The following SYNE2 variants were observed in gnomAD, a reference collection of about 807,000 sequenced individuals.
SYNE2 encodes spectrin repeat containing nuclear envelope protein 2, also known as nesprin-2.
SYNE2 carries 431 observed loss-of-function variants against 856.3 expected under a neutral mutation model. That is an observed-to-expected ratio of 0.50 (90% CI 0.47 to 0.55). The LOEUF (loss-of-function observed/expected upper bound fraction) is 0.55, where lower values mean the gene tolerates loss of function less well. Among genes scored for constraint, SYNE2 ranks in the 20% least tolerant of loss-of-function variants. The pLI is 0.00. For synonymous variants in SYNE2, 2,923 were observed against 2,872.3 expected, an observed-to-expected ratio of 1.02 and a Z score of -0.56; for missense variants, 8,129 against 8,023.2, an observed-to-expected ratio of 1.01 and a Z score of -0.50.
chr14:64,163,638 A>G (rs2098346367), intron 89 of SYNE2, 57 bp downstream of exon 89: 5 of 1,595,496 alleles, frequency 3.1e-6, no homozygotes, highest in African/African-American at 1.3e-5. Context: ...TCCATCCTCA[A>G]TCCCTTGTAT....
Position 64,089,640 on chromosome 14 carries a change from C to T in SYNE2, c.11737C>T (p.Leu3913=). 1 of 1,603,042 alleles carries T rather than the reference C, an allele frequency of 6.2e-7. No homozygotes were observed. The highest frequency in any genetic ancestry group is 8.5e-7 in the Non-Finnish European group (1 of 1,170,742). ...AAGAGTTTCAAAAATCAAAACTATC[C>T]TATTATCAAAAGAAATATTTGATTT... ...EKRVSKIKTI[L]LSKEIFDFSP... The change falls in exon 59 of 116, where the codon CTA becomes TTA. Residue 3913 remains leucine (L), a synonymous_variant. Coordinates refer to ENST00000555002, the MANE Select transcript of SYNE2 (RefSeq NM_182914.3).
At chr14:64,204,954 A>AT (rs2098598039) in intron 100 of SYNE2, among the ~76,000 whole-genome samples, 1 of 152,050 alleles carries the variant, frequency 6.6e-6, no homozygotes, top group Non-Finnish European at 1.5e-5. Flanking sequence ...GGCCACCCAC[A>AT]TTGCTTGGCT....
intron 32 of SYNE2, among the ~76,000 whole-genome samples, chr14:64,012,351 GT>G (rs1179023188): frequency 6.6e-6 from 1 of 152,132 alleles, no homozygotes; most frequent in Non-Finnish European, 1.5e-5. Flanking sequence ...CTGTGTGCTT[GT>G]TGGTTTGTAC....
In SYNE2 at chr14:64,212,032, C is replaced by G; in HGVS notation, c.18795C>G (p.Asp6265Glu). The G allele has an allele frequency of 1.2e-6, 2 of 1,614,188 alleles. No homozygotes were observed. The highest frequency in any genetic ancestry group is 1.7e-6 in the Non-Finnish European group (2 of 1,180,046). Reference sequence around the variant, plus strand: ...TTCTGGTGTGGCTCACAGAGATGGACCTGCAGCTGACCAACGTGGAGCACT... The same window carrying G: ...TTCTGGTGTGGCTCACAGAGATGGAGCTGCAGCTGACCAACGTGGAGCACT... ...ESILVWLTEM[D>E]LQLTNVEHFS... The change falls in exon 104 of 116, where the codon GAC (aspartate) becomes GAG (glutamate). Residue 6265 changes from aspartate to glutamate, a missense_variant. Asp to Glu is a conservative substitution (Grantham distance 45). Around this residue, in one of 3 missense-constraint regions of SYNE2, gnomAD observed 5,410 missense variants for 5,284.8 expected, o/e 1.02. Coordinates refer to ENST00000555002, the MANE Select transcript of SYNE2 (RefSeq NM_182914.3).
intron 6 of SYNE2, among the ~76,000 whole-genome samples, chr14:63,946,047 C>G (rs1191589702): frequency 2.6e-5 from 4 of 152,140 alleles, no homozygotes; most frequent in Non-Finnish European, 5.9e-5. Flanking sequence ...GTTTCTTGCT[C>G]CAATCCCTGT....
intron 64 of SYNE2, 105 bp downstream of exon 64, chr14:64,102,147 C>T (rs1295922402): frequency 1.3e-6 from 1 of 795,234 alleles, no homozygotes; most frequent in South Asian, 1.5e-5. Flanking sequence ...GAGACGGACT[C>T]GCTCTGTCGC....
At position 63,981,117 on chromosome 14, in the gene SYNE2, A is replaced by G. The variant is rs372511402; in HGVS notation, c.1780A>G (p.Asn594Asp). 2 of 1,613,820 alleles carry G rather than the reference A, an allele frequency of 1.2e-6. No individual in the cohort carries two copies. Among genetic ancestry groups the G allele is most frequent in the Non-Finnish European group, 1.7e-6 (2 of 1,179,870 alleles). The change falls in exon 16 of 116, where the codon AAC becomes GAC. Residue 594 changes from asparagine (N) to aspartate (D), a missense_variant. Coordinates refer to ENST00000555002, the MANE Select transcript of SYNE2 (RefSeq NM_182914.3). ...VLACWATYVENLRLLRACFEE... is the reference protein window; with the variant it reads ...VLACWATYVEDLRLLRACFEE... Reference sequence around the variant, plus strand: ...GGCATGTTGGGCTACTTATGTGGAAAACCTTCGCTTACTAAGGGCTTGCTT... The same window carrying G: ...GGCATGTTGGGCTACTTATGTGGAAGACCTTCGCTTACTAAGGGCTTGCTT...
rs566332523 is a variant in SYNE2, at chr14:64,096,037, G to A, written c.12109-1912G>A. 2.6e-5 allele frequency among the ~76,000 whole-genome samples: 4 copies of A among 152,206 alleles called. No homozygotes were observed. In the South Asian group the frequency reaches 6.2e-4, roughly 24 times the overall value. ...TTTAGGAAGATGTAGTCTTCAATGC[G>A]CCATCTTGGAAACAGAGAACAGCCC... On this transcript the variant is annotated intron_variant, in intron 61 of 115. Transcript: ENST00000555002.
chr14:63,832,082 A>C (rs530852359), intron 1 of SYNE2, among the ~76,000 whole-genome samples: 38 of 152,276 alleles, frequency 2.5e-4, no homozygotes, highest in African/African-American at 7.9e-4. Context: ...AATGTTCAAA[A>C]TAAACATGCT....
chr14:64,080,434 G>C, intron 55 of SYNE2, 22 bp from the exon 56 acceptor site: 2 of 1,613,548 alleles, frequency 1.2e-6, no homozygotes, highest in East Asian at 4.5e-5. Context: ...CATTCAAGTT[G>C]ACTTACGATT....
intron 1 of SYNE2, among the ~76,000 whole-genome samples, chr14:63,804,875 G>C (rs992762058): frequency 6.6e-6 from 1 of 152,150 alleles, no homozygotes; most frequent in African/African-American, 2.4e-5. Context: ...ACTTTGAATG[G>C]TTTTACATTT....
intron 64 of SYNE2, among the ~76,000 whole-genome samples, chr14:64,104,718 TGG>T (rs1294575727): frequency 6.6e-6 from 1 of 152,168 alleles, no homozygotes; most frequent in African/African-American, 2.4e-5. Context: ...CCCAAAGTGC[TGG>T]GATTACAGGT....
At chr14:64,037,592 T>A (rs1595041537) in intron 45 of SYNE2, among the ~76,000 whole-genome samples, 1 of 151,870 alleles carries the variant, frequency 6.6e-6, no homozygotes, top group South Asian at 2.1e-4. Context: ...TTCCCCCCTT[T>A]CTATTCCACA....
At chr14:64,192,677 C>T (rs1214721810) in intron 99 of SYNE2, among the ~76,000 whole-genome samples, 1 of 152,122 alleles carries the variant, frequency 6.6e-6, no homozygotes. Context: ...TACCATTGTC[C>T]CATTTTACAT....
chr14:63,884,926 C>A (rs1364985845), intron 1 of SYNE2, among the ~76,000 whole-genome samples: 1 of 152,170 alleles, frequency 6.6e-6, no homozygotes, highest in Non-Finnish European at 1.5e-5. Context: ...AGGCAGGAGC[C>A]ACCGCACCCG....
chr14:64,024,367 G>T lies in SYNE2; in HGVS notation c.5748G>T (p.Trp1916Cys), dbSNP rs1244126949. Residue 1916 changes from tryptophan to cysteine, a missense_variant, in exon 39 of 116, where the codon TGG becomes TGT. Coordinates refer to ENST00000555002, the MANE Select transcript of SYNE2 (RefSeq NM_182914.3). The part of the protein sequence containing the change: ...PKAHVKELIS[W>C]LVGQEFELEK... Reference sequence around the variant, plus strand: ...CACATGTGAAGGAGCTTATCAGTTGGCTCGTGGGTCAGGAATTCGAATTAG... The same window carrying T: ...CACATGTGAAGGAGCTTATCAGTTGTCTCGTGGGTCAGGAATTCGAATTAG... 1 of 1,614,068 alleles carries T rather than the reference G, an allele frequency of 6.2e-7. No individual in the cohort carries two copies. The highest frequency in any genetic ancestry group is 1.7e-5 in the Admixed American group (1 of 60,008).
chr14:63,967,332 T>C (rs1321223884), intron 10 of SYNE2, among the ~76,000 whole-genome samples: 2 of 152,252 alleles, frequency 1.3e-5, no homozygotes, highest in Non-Finnish European at 2.9e-5. Context: ...TATATATGAC[T>C]ACTGCCGTCA....
chr14:63,941,627 T>C, intron 3 of SYNE2, 68 bp from the exon 4 acceptor site: 1 of 1,328,926 alleles, frequency 7.5e-7, no homozygotes. Context: ...AGCACATTTA[T>C]GAGATTCTTA....
In SYNE2 at chr14:64,120,943, A is replaced by G. The variant is rs2097893844; in HGVS notation, c.13040A>G (p.Lys4347Arg). The change falls in exon 68 of 116, where the codon AAG (lysine) becomes AGG (arginine). Residue 4347 changes from lysine (K) to arginine (R), a missense_variant. Lys to Arg is a conservative substitution (Grantham distance 26). Coordinates refer to ENST00000555002, the MANE Select transcript of SYNE2 (RefSeq NM_182914.3). ...GTTTTGCAGCATCCTACCATTCTAA[A>G]GAAATCCTCAGAGCCAGAGCATCAA... ...HSEDQHPTILKKSSEPEHQEA... is the reference protein window; with the variant it reads ...HSEDQHPTILRKSSEPEHQEA... The G allele has an allele frequency of 1.2e-6, 2 of 1,614,182 alleles. No homozygotes were observed. The highest frequency in any genetic ancestry group is 1.7e-6 in the Non-Finnish European group (2 of 1,180,018).
Sources: allele counts gnomAD v4.1 joint callset (sites outside exome capture counted in the v4.1 genomes callset), GRCh38; gene constraint gnomAD v4.1.1; regional missense constraint gnomAD v4.1.1; transcripts MANE v1.5; gene names NCBI Gene and HGNC (gene_info 2026-07-23, HGNC 2026-07-21).